The following DNAH9 variants were observed in gnomAD, a reference collection of about 807,000 sequenced individuals.
DNAH9 encodes the protein DNAH9 variant protein.
DNAH9 carries 345 observed loss-of-function variants against 471.6 expected under a neutral mutation model. The ratio of observed to expected loss-of-function variants is 0.73; its 90% CI spans 0.67 to 0.80. The LOEUF (loss-of-function observed/expected upper bound fraction) is 0.80, where lower values mean the gene tolerates loss of function less well. Ranked by LOEUF, DNAH9 falls within the 30% of genes least tolerant of loss-of-function variation. The pLI is 0.00. For missense variants in DNAH9, 5,407 were observed against 5,609.2 expected, an observed-to-expected ratio of 0.96 and a Z score of 1.15; for synonymous variants, 2,093 against 2,123.6, an observed-to-expected ratio of 0.99 and a Z score of 0.40.
intron 13 of DNAH9, among the ~76,000 whole-genome samples, chr17:11,652,435 A>G (rs113600361): frequency 6.6e-6 from 1 of 151,352 alleles, no homozygotes; most frequent in Non-Finnish European, 1.5e-5. Flanking sequence ...ACAGGCACCC[A>G]CCACCCCACC....
chr17:11,778,329 CAAAAAAAAAAAAAAAA>C (rs57983162), intron 38 of DNAH9, among the ~76,000 whole-genome samples: 1,135 of 48,752 alleles, frequency 0.023, 47 homozygotes, highest in African/African-American at 0.054. Context: ...GACTCCATCT[CAAAAAAAAAAAAAAAA>C]AAAAAAAAAA....
intron 41 of DNAH9, among the ~76,000 whole-genome samples, chr17:11,792,410 C>A (rs1183649106): frequency 3.3e-5 from 5 of 152,166 alleles, no homozygotes; most frequent in Admixed American, 2.0e-4. Context: ...CCCTCTAAGA[C>A]AAGAAAGCAA....
At chr17:11,672,797 G>C (rs2073992709) in intron 17 of DNAH9, among the ~76,000 whole-genome samples, 1 of 152,272 alleles carries the variant, frequency 6.6e-6, no homozygotes, top group East Asian at 1.9e-4. Flanking sequence ...GTGGGGCTCA[G>C]AGAATGATGG....
rs1006287559 is a variant in DNAH9, at chr17:11,930,187, C to T, written c.12105+94C>T. 3.4e-5 allele frequency: 38 copies of T among 1,130,786 alleles called. No homozygotes were observed. In the East Asian group the frequency reaches 4.1e-4, roughly 12 times the overall value. 70.0% of individuals were successfully genotyped at this position (1,130,786 alleles called of 1,614,324 possible). A position where few individuals can be genotyped will look rare whatever the true frequency, so the allele number is the denominator to read the frequency against. Reference sequence around the variant, plus strand: ...GAGAGCATGCAACTCAGAAGGGAGTCGGGTGCTGGTTGGGCTACGGAGCAA... The same window carrying T: ...GAGAGCATGCAACTCAGAAGGGAGTTGGGTGCTGGTTGGGCTACGGAGCAA... On this transcript the variant is annotated intron_variant, in intron 63 of 68. Transcript: ENST00000262442.
chr17:11,906,308 C>T (rs1201594052), intron 61 of DNAH9, among the ~76,000 whole-genome samples: 1 of 152,098 alleles, frequency 6.6e-6, no homozygotes, highest in Non-Finnish European at 1.5e-5. Flanking sequence ...AACCTCAATT[C>T]CCATTAATGA....
chr17:11,671,941 A>G lies in DNAH9; in HGVS notation c.3353+2147A>G, dbSNP rs140493593. On this transcript the variant is annotated intron_variant, in intron 17 of 68. Coordinates refer to ENST00000262442, the MANE Select transcript of DNAH9 (RefSeq NM_001372.4). The stretch of plus-strand genomic sequence containing the variant: ...GAAGACAGCCCAACTGGATTCTTCT[A>G]AGGTGTCTTCCGTCTTCTAGCTTTA... Among the ~76,000 whole-genome samples, 136 of 152,318 alleles carry G rather than the reference A, an allele frequency of 8.9e-4. 1 individual carries two copies. Among genetic ancestry groups the G allele is most frequent in the South Asian group, 1.5e-3 (7 of 4,824 alleles).
In DNAH9 at chr17:11,623,786, A is replaced by T. The variant is rs1247909789; in HGVS notation, c.1350+4005A>T. ...GCAATTAATAAATACATGAAACACC[A>T]ATGTGTTTATCTCTCTGCATGCTCT... On this transcript the variant is annotated intron_variant, in intron 6 of 68. Coordinates refer to ENST00000262442, the MANE Select transcript of DNAH9 (RefSeq NM_001372.4). The surrounding 1 kb of genome is among the most constrained non-coding windows in gnomAD (Gnocchi z 4.1). Among the ~76,000 whole-genome samples, 2 of 152,110 alleles carry T rather than the reference A, an allele frequency of 1.3e-5. No homozygotes were observed. Among genetic ancestry groups the T allele is most frequent in the African/African-American group, 4.8e-5 (2 of 41,408 alleles).
intron 41 of DNAH9, among the ~76,000 whole-genome samples, chr17:11,787,141 T>C (rs1968902804): frequency 6.6e-6 from 1 of 151,932 alleles, no homozygotes. Flanking sequence ...CGGGCCAGAG[T>C]AGGCTCAGAC....
At chr17:11,742,966 A>G (rs9904264) in intron 30 of DNAH9, among the ~76,000 whole-genome samples, 29,175 of 152,004 alleles carry the variant, frequency 0.19, 2,940 homozygotes, top group Non-Finnish European at 0.2. Flanking sequence ...TACTTTTCTC[A>G]TTGTATCCCC....
Position 11,757,697 on chromosome 17 carries a change from G to T in DNAH9, c.6995+5G>T, listed in dbSNP as rs375442294. The T allele has an allele frequency of 2.5e-5, 40 of 1,613,422 alleles. No homozygotes were observed. Among genetic ancestry groups the T allele is most frequent in the Non-Finnish European group, 3.1e-5 (36 of 1,179,944 alleles). Reference sequence around the variant, plus strand: ...CCTAGACACACTCAGAACCAGGTAGGCCAAGAAACAAGGAAGATAGAGAGT... The same window carrying T: ...CCTAGACACACTCAGAACCAGGTAGTCCAAGAAACAAGGAAGATAGAGAGT... On this transcript the variant is annotated splice_donor_5th_base_variant and intron_variant, in intron 35 of 68. Transcript: ENST00000262442.
At chr17:11,888,447 C>T (rs370701023) in intron 57 of DNAH9, among the ~76,000 whole-genome samples, 3 of 152,284 alleles carry the variant, frequency 2.0e-5, no homozygotes, top group East Asian at 3.9e-4. Flanking sequence ...TTGAAATTGA[C>T]TATAGGTACC....
At chr17:11,960,464 C>CAAAAAAAAAAAAAAAAAAA (rs1976026483) in intron 67 of DNAH9, among the ~76,000 whole-genome samples, 1 of 86,456 alleles carries the variant, frequency 1.2e-5, no homozygotes, top group African/African-American at 4.6e-5. Context: ...AAAAAAAAAT[C>CAAAAAAAAAAAAAAAAAAA]CAAAAGTGGC....
At chr17:11,920,943 C>G (rs1407889764) in intron 61 of DNAH9, among the ~76,000 whole-genome samples, 1 of 152,124 alleles carries the variant, frequency 6.6e-6, no homozygotes, top group African/African-American at 2.4e-5. Context: ...GAGTTTGAGA[C>G]CAGCCTGGCC....
chr17:11,784,296 A>C lies in DNAH9; in HGVS notation c.7822-4A>C. 6.2e-7 allele frequency: 1 copy of C among 1,614,110 alleles called. No individual in the cohort carries two copies. Among genetic ancestry groups the C allele is most frequent in the East Asian group, 2.2e-5 (1 of 44,876 alleles). On this transcript the variant is annotated splice_region_variant and splice_polypyrimidine_tract_variant and intron_variant, in intron 40 of 68. Transcript: ENST00000262442. ...TTGAGCTCATGCCTTTGTTTCCTGT[A>C]CAGCGTCACTTCAGCGTGTTTGTCC...
intron 67 of DNAH9, among the ~76,000 whole-genome samples, chr17:11,949,352 CTT>C (rs1975270535): frequency 6.6e-6 from 1 of 152,166 alleles, no homozygotes; most frequent in South Asian, 2.1e-4. Context: ...TAAGTTTTCT[CTT>C]TGTTGACTCT....
At chr17:11,712,307 T>C (rs1235926713) in intron 26 of DNAH9, among the ~76,000 whole-genome samples, 1 of 151,382 alleles carries the variant, frequency 6.6e-6, no homozygotes, top group African/African-American at 2.4e-5. Context: ...TTTATAGATA[T>C]ACCACATGCT....
At chr17:11,724,543 T>G (rs2075119621) in intron 27 of DNAH9, among the ~76,000 whole-genome samples, 1 of 152,248 alleles carries the variant, frequency 6.6e-6, no homozygotes. Flanking sequence ...TATTGCTTTG[T>G]GTGTATATAC....
chr17:11,882,635 G>A (rs1972765691), intron 55 of DNAH9, among the ~76,000 whole-genome samples: 1 of 149,714 alleles, frequency 6.7e-6, no homozygotes, highest in Admixed American at 6.6e-5. Context: ...AGCCTTCATG[G>A]AATCTACACT....
At chr17:11,786,252 C>T (rs11658421) in intron 41 of DNAH9, among the ~76,000 whole-genome samples, 13,255 of 152,128 alleles carry the variant, frequency 0.087, 651 homozygotes, top group Non-Finnish European at 0.11. Flanking sequence ...GTAATACTCA[C>T]GACAACCCTT....
Sources: gnomAD v4.1 joint callset for allele counts (sites outside exome capture counted in the v4.1 genomes callset) on GRCh38, gnomAD v4.1.1 for gene constraint, Gnocchi (gnomAD v3.1) non-coding constraint, MANE v1.5 for transcripts, NCBI Gene and HGNC (gene_info 2026-07-23, HGNC 2026-07-21) for gene names.